Variants in GDNF observed in about 807,000 individuals in gnomAD.
GDNF encodes the protein glial cell derived neurotrophic factor.
In GDNF, 5 loss-of-function variants were observed where a neutral mutation model predicts 13.7. That is an observed-to-expected ratio of 0.36 (90% confidence interval 0.19 to 0.77). GDNF has a LOEUF of 0.77. GDNF is among the 30% of genes least tolerant of loss of function. The probability of loss-of-function intolerance (pLI) is 0.51; values close to 1 mark genes in which losing one functional copy is unlikely to be tolerated. For synonymous variants in GDNF, 122 were observed against 112.5 expected, an observed-to-expected ratio of 1.08 and a Z score of -0.53; for missense variants, 246 against 274.3, an observed-to-expected ratio of 0.90 and a Z score of 0.73.
chr5:37,819,719 C>T (rs977544851), intron 2 of GDNF, among the ~76,000 whole-genome samples: 1 of 152,128 alleles, frequency 6.6e-6, no homozygotes, highest in Non-Finnish European at 1.5e-5. Flanking sequence ...TCCCAAAATG[C>T]TGGGATTACA....
At chr5:37,827,197 G>A (rs1750357143) in intron 2 of GDNF, among the ~76,000 whole-genome samples, 2 of 151,558 alleles carry the variant, frequency 1.3e-5, no homozygotes, top group South Asian at 4.2e-4. Context: ...GCAATTTATG[G>A]TCCTGGGTTT....
chr5:37,820,325 T>C (rs1453238756), intron 2 of GDNF, among the ~76,000 whole-genome samples: 2 of 152,240 alleles, frequency 1.3e-5, no homozygotes, highest in African/African-American at 4.8e-5. Flanking sequence ...AGAGTTACAA[T>C]CATAAGGATT....
chr5:37,826,371 CA>C (rs1423478957), intron 2 of GDNF, among the ~76,000 whole-genome samples: 6 of 152,204 alleles, frequency 3.9e-5, no homozygotes, highest in Admixed American at 3.9e-4. Flanking sequence ...GCCAACTCTA[CA>C]GTCTCTAGAC....
At chr5:37,826,945 G>T (rs1323264982) in intron 2 of GDNF, among the ~76,000 whole-genome samples, 1 of 152,146 alleles carries the variant, frequency 6.6e-6, no homozygotes, top group Non-Finnish European at 1.5e-5. Flanking sequence ...ATGGCTCCTT[G>T]GAACAAACTG....
intron 2 of GDNF, among the ~76,000 whole-genome samples, chr5:37,833,267 C>T (rs975065241): frequency 3.3e-5 from 5 of 152,080 alleles, no homozygotes; most frequent in East Asian, 1.9e-4. Context: ...TTGGAAGACC[C>T]GGCACTAAGG....
At chr5:37,828,250 T>C (rs971094531) in intron 2 of GDNF, among the ~76,000 whole-genome samples, 1 of 152,238 alleles carries the variant, frequency 6.6e-6, no homozygotes. Flanking sequence ...ACCAAGCACT[T>C]GAGGAGACCT....
At chr5:37,827,657 T>G (rs2973042) in intron 2 of GDNF, among the ~76,000 whole-genome samples, 52,562 of 151,984 alleles carry the variant, frequency 0.35, 9,320 homozygotes, top group South Asian at 0.46. Flanking sequence ...GGATCCAGAA[T>G]TGTGACAGTT....
intron 2 of GDNF, chr5:37,823,998 T>C: frequency 4.3e-6 from 4 of 940,700 alleles, no homozygotes; most frequent in Non-Finnish European, 5.1e-6. Flanking sequence ...GTGCTTGACC[T>C]CTTCAGTTTA....
In GDNF at chr5:37,838,313, C is replaced by T. The variant is rs1037922681; in HGVS notation, c.-27+1194G>A. Among the ~76,000 whole-genome samples the T allele has an allele frequency of 2.0e-5, 3 of 152,218 alleles. No homozygotes were observed. The highest frequency in any genetic ancestry group is 4.4e-5 in the Non-Finnish European group (3 of 68,038). On this transcript the variant is annotated intron_variant, in intron 1 of 2. Transcript: ENST00000326524. This position sits in a 1 kb window ranked among gnomAD's most constrained non-coding sequence, Gnocchi z 4.1. ...TACTTGTTGAAAAGGCGCCACCTTC[C>T]CTGACAAAGCGAAGGCGCAGCGAAA...
Position 37,813,100 on chromosome 5 carries a change from T to G in GDNF, c.*2551A>C, listed in dbSNP as rs1272591480. ...TGCCCCTGGGGCCACATCCAAATTG[T>G]GCTCCACGAATGACTGGATGGCTGG... On this transcript the variant is annotated 3_prime_UTR_variant, in exon 3 of 3. Coordinates refer to ENST00000326524, the MANE Select transcript of GDNF (RefSeq NM_000514.4). 2 of 152,228 alleles carry G rather than the reference T, an allele frequency of 1.3e-5. No homozygotes were observed. The highest frequency in any genetic ancestry group is 2.9e-5 in the Non-Finnish European group (2 of 68,106). 9.4% of individuals were successfully genotyped at this position (152,228 alleles called of 1,614,324 possible). A position where few individuals can be genotyped will look rare whatever the true frequency, so the allele number is the denominator to read the frequency against.
At chr5:37,835,896 C>A in intron 1 of GDNF, 2 of 561,646 alleles carry the variant, frequency 3.6e-6, no homozygotes, top group South Asian at 2.3e-5. Context: ...TCTTTTCAGC[C>A]CGAGGTGGGC....
intron 1 of GDNF, chr5:37,835,377 C>T (rs143142348): frequency 0.011 from 13,993 of 1,292,628 alleles, 133 homozygotes; most frequent in Middle Eastern, 0.036. Context: ...CGAGGGCAGG[C>T]TCGGGGGCAC....
intron 2 of GDNF, among the ~76,000 whole-genome samples, chr5:37,819,903 T>C (rs898379858): frequency 1.3e-5 from 2 of 152,202 alleles, no homozygotes; most frequent in East Asian, 3.8e-4. Context: ...CTGCTTTAGC[T>C]ATTGGTGATT....
intron 2 of GDNF, among the ~76,000 whole-genome samples, chr5:37,818,365 T>C (rs1008056521): frequency 6.6e-6 from 1 of 152,210 alleles, no homozygotes; most frequent in African/African-American, 2.4e-5. Flanking sequence ...TCATGAGACC[T>C]GATTGTTTTA....
At chr5:37,834,462 C>T in intron 2 of GDNF, among the ~76,000 whole-genome samples, 184 bp downstream of exon 2, 1 of 152,206 alleles carries the variant, frequency 6.6e-6, no homozygotes, top group East Asian at 1.9e-4. Flanking sequence ...ACTTTCAGGC[C>T]AGGCGTGCGG....
chr5:37,819,444 C>CTTT (rs529362873), intron 2 of GDNF, among the ~76,000 whole-genome samples: 20 of 126,206 alleles, frequency 1.6e-4, no homozygotes, highest in Non-Finnish European at 2.5e-4. Context: ...GTGCTCTTTT[C>CTTT]TTTTTTTTTT....
chr5:37,826,441 C>T (rs1203960427), intron 2 of GDNF, among the ~76,000 whole-genome samples: 1 of 152,216 alleles, frequency 6.6e-6, no homozygotes, highest in Admixed American at 6.5e-5. Context: ...CTAGCATGTT[C>T]TACAGAGGAG....
In GDNF at chr5:37,839,795, TG is replaced by T; in HGVS notation, c.-316del. On this transcript the variant is annotated 5_prime_UTR_variant, in exon 1 of 3. Coordinates refer to ENST00000326524, the MANE Select transcript of GDNF (RefSeq NM_000514.4). This position sits in a 1 kb window ranked among gnomAD's most constrained non-coding sequence, Gnocchi z 5.5. ...TCCGAGCAGCCGCCGCTGCTTTGGG[TG>T]GGGGGCTGACAGGGCTGCGCGCGTC... 1 of 152,112 alleles carries T rather than the reference TG, an allele frequency of 6.6e-6. No individual in the cohort carries two copies. The highest frequency in any genetic ancestry group is 1.5e-5 in the Non-Finnish European group (1 of 68,036). The allele number at this position is 152,112 out of a possible 1,614,324, so 9.4% of individuals were successfully genotyped here. A position where few individuals can be genotyped will look rare whatever the true frequency, so the allele number is the denominator to read the frequency against.
intron 2 of GDNF, among the ~76,000 whole-genome samples, chr5:37,818,500 A>G (rs981908121): frequency 6.6e-6 from 1 of 152,194 alleles, no homozygotes; most frequent in Non-Finnish European, 1.5e-5. Context: ...CTGTGAGTCC[A>G]TGAAACCTCT....
Sources: gnomAD v4.1 joint callset for allele counts (sites outside exome capture counted in the v4.1 genomes callset) on GRCh38, gnomAD v4.1.1 for gene constraint, Gnocchi (gnomAD v3.1) non-coding constraint, MANE v1.5 for transcripts, NCBI Gene and HGNC (gene_info 2026-07-23, HGNC 2026-07-21) for gene names.